The following KCNN3 variants were observed in gnomAD, a reference collection of about 807,000 sequenced individuals.
The protein encoded by KCNN3 is small conductance calcium-activated potassium channel protein 3.
A neutral mutation model predicts 62.9 loss-of-function variants in KCNN3; 16 were observed. The ratio of observed to expected loss-of-function variants is 0.25; its 90% CI spans 0.17 to 0.39. The LOEUF (loss-of-function observed/expected upper bound fraction) is 0.39, where lower values mean the gene tolerates loss of function less well. Among genes scored for constraint, KCNN3 ranks in the 10% least tolerant of loss-of-function variants. The pLI, the probability that KCNN3 is intolerant of heterozygous loss-of-function variation, is 1.00. For synonymous variants in KCNN3, 370 were observed against 389.2 expected, an observed-to-expected ratio of 0.95 and a Z score of 0.58; for missense variants, 599 against 949.4, an observed-to-expected ratio of 0.63 and a Z score of 4.85.
chr1:154,747,851 C>G (rs1700973607), intron 3 of KCNN3, among the ~76,000 whole-genome samples: 1 of 152,180 alleles, frequency 6.6e-6, no homozygotes, highest in African/African-American at 2.4e-5. Context: ...TGCTTATTCT[C>G]TCCTCCAATC....
At chr1:154,856,383 GCAC>G (rs1375359953) in intron 1 of KCNN3, among the ~76,000 whole-genome samples, 2 of 152,150 alleles carry the variant, frequency 1.3e-5, no homozygotes, top group Admixed American at 1.3e-4. Context: ...CTGCCAACAT[GCAC>G]CATCGATGAG....
chr1:154,855,167 G>A (rs760383538), intron 1 of KCNN3, among the ~76,000 whole-genome samples: 12 of 152,058 alleles, frequency 7.9e-5, no homozygotes, highest in East Asian at 3.8e-4. Context: ...GCAGTGAGCC[G>A]AGATCGTGCC....
Position 154,766,527 on chromosome 1 carries a change from G to A in KCNN3, c.1448+5448C>T, listed in dbSNP as rs927538955. Among the ~76,000 whole-genome samples the A allele has an allele frequency of 1.4e-4, 21 of 146,374 alleles. No individual in the cohort carries two copies. The South Asian group carries it at 3.0e-3, about 21-fold the overall frequency. On this transcript the variant is annotated intron_variant, in intron 3 of 7. Transcript: ENST00000271915. ...ATTGGAGGTTATAACTCAAACCAAA[G>A]CAGTCCATGAGGAACCACAGTGCCT... is the stretch of plus-strand genomic sequence containing the variant.
At chr1:154,864,373 C>T (rs570111542) in intron 1 of KCNN3, among the ~76,000 whole-genome samples, 18 of 152,270 alleles carry the variant, frequency 1.2e-4, no homozygotes, top group African/African-American at 4.3e-4. Context: ...ACTTGGCTAG[C>T]CAAGCCTGCA....
chr1:154,858,736 C>CTT (rs66459758), intron 1 of KCNN3, among the ~76,000 whole-genome samples: 9 of 141,828 alleles, frequency 6.3e-5, no homozygotes, highest in Non-Finnish European at 7.7e-5. Context: ...AGTCATGTAA[C>CTT]TTTTTTTTTT....
At position 154,869,955 on chromosome 1, in the gene KCNN3, A is replaced by T; in HGVS notation, c.10T>A (p.Ser4Thr). The change falls in exon 1 of 8, where the codon TCT (serine) becomes ACT (threonine). Residue 4 changes from serine to threonine, a missense_variant. Transcript: ENST00000271915. This position sits in a 1 kb window ranked among gnomAD's most constrained non-coding sequence, Gnocchi z 6.1. ...ACCCCCGAGTCATGGAAGTGCCCAG[A>T]AGTGTCCATCTTGGGGCCTGGCTGT... is the stretch of plus-strand genomic sequence containing the variant. MDT[S>T]GHFHDSGVGD... 1 of 1,610,834 alleles carries T rather than the reference A, an allele frequency of 6.2e-7. No individual in the cohort carries two copies.
At chr1:154,826,067 AC>A (rs372673485) in intron 1 of KCNN3, among the ~76,000 whole-genome samples, 4,585 of 87,716 alleles carry the variant, frequency 0.052, 579 homozygotes, top group African/African-American at 0.2. Flanking sequence ...AAAAACAAAA[AC>A]AAAAACAAAA....
intron 3 of KCNN3, among the ~76,000 whole-genome samples, chr1:154,756,696 C>G (rs1462065843): frequency 6.6e-6 from 1 of 152,176 alleles, no homozygotes; most frequent in Non-Finnish European, 1.5e-5. Context: ...GGATCCCAAT[C>G]CAATGCCATA....
At chr1:154,708,368 G>A (rs895012408) in intron 7 of KCNN3, 96 bp from the exon 8 acceptor site, 1 of 1,242,946 alleles carries the variant, frequency 8.0e-7, no homozygotes, top group Non-Finnish European at 1.2e-6. Flanking sequence ...CAGTATGACA[G>A]GAGCCACTTC....
intron 3 of KCNN3, 27 bp downstream of exon 3, chr1:154,771,948 G>A (rs766295730): frequency 1.9e-6 from 3 of 1,611,900 alleles, no homozygotes; most frequent in South Asian, 2.2e-5. Flanking sequence ...CACAGGCTCT[G>A]TACTCAGAAA....
chr1:154,714,545 TGTGTGTGTGTG>T (rs762575305), intron 6 of KCNN3, among the ~76,000 whole-genome samples: 2,365 of 76,914 alleles, frequency 0.031, 76 homozygotes, highest in African/African-American at 0.048. Flanking sequence ...GTGTGTGGGG[TGTGTGTGTGTG>T]GTGTGTGTGT....
At chr1:154,828,540 C>G (rs934782370) in intron 1 of KCNN3, among the ~76,000 whole-genome samples, 1 of 152,058 alleles carries the variant, frequency 6.6e-6, no homozygotes, top group Admixed American at 6.6e-5. Context: ...GATTTGAAAC[C>G]AAAAGGCCAG....
rs1700002531 is a variant in KCNN3 at position 154,708,191 on chromosome 1, A to G, written c.1981T>C (p.Ser661Pro). ...CTGGCGGTGAGATGCTCCAGCTTCGACTCCAGGCTGCCAATCTGCTTCTCC... is the reference window on the plus strand; with the variant it reads ...CTGGCGGTGAGATGCTCCAGCTTCGGCTCCAGGCTGCCAATCTGCTTCTCC... The part of the protein sequence containing the change: ...DLEKQIGSLE[S>P]KLEHLTASFN... Residue 661 changes from serine (S) to proline (P), a missense_variant, in exon 8 of 8, where the codon TCG becomes CCG. Ser to Pro is a moderately conservative substitution (Grantham distance 74, BLOSUM62 -1). Coordinates refer to ENST00000271915, the MANE Select transcript of KCNN3 (RefSeq NM_002249.6). The G allele has an allele frequency of 1.2e-6, 2 of 1,613,204 alleles. No homozygotes were observed. The highest frequency in any genetic ancestry group is 1.7e-6 in the Non-Finnish European group (2 of 1,179,820).
chr1:154,795,557 A>G (rs949569838), intron 2 of KCNN3, among the ~76,000 whole-genome samples: 1 of 152,220 alleles, frequency 6.6e-6, no homozygotes, highest in East Asian at 1.9e-4. Context: ...TGTATAAGGC[A>G]TGGGGACTCA....
At chr1:154,733,709 C>T (rs747676652) in intron 3 of KCNN3, among the ~76,000 whole-genome samples, 2 of 152,088 alleles carry the variant, frequency 1.3e-5, no homozygotes, top group Non-Finnish European at 2.9e-5. Context: ...ACAGAGGCCT[C>T]CCTTTCTGAG....
At chr1:154,769,310 T>C (rs1648444961) in intron 3 of KCNN3, among the ~76,000 whole-genome samples, 1 of 152,206 alleles carries the variant, frequency 6.6e-6, no homozygotes, top group African/African-American at 2.4e-5. Context: ...CCTCATGTTA[T>C]ACCTAAGTCT....
At chr1:154,708,590 A>G (rs1700011623) in intron 7 of KCNN3, among the ~76,000 whole-genome samples, 1 of 151,832 alleles carries the variant, frequency 6.6e-6, no homozygotes, top group Non-Finnish European at 1.5e-5. Flanking sequence ...TCACAGGGCC[A>G]CAACCTCTCA....
intron 1 of KCNN3, among the ~76,000 whole-genome samples, chr1:154,832,803 G>A (rs746967106): frequency 3.3e-5 from 5 of 152,188 alleles, no homozygotes; most frequent in African/African-American, 4.8e-5. Flanking sequence ...GCCTAGCTGG[G>A]CTTGTCCCAG....
chr1:154,830,993 T>C (rs1651359218), intron 1 of KCNN3, among the ~76,000 whole-genome samples: 1 of 152,254 alleles, frequency 6.6e-6, no homozygotes, highest in Admixed American at 6.5e-5. Context: ...TCATGAATTC[T>C]CTACTGCATG....
Sources: gnomAD v4.1 joint callset for allele counts (sites outside exome capture counted in the v4.1 genomes callset) on GRCh38, gnomAD v4.1.1 for gene constraint, Gnocchi (gnomAD v3.1) non-coding constraint, MANE v1.5 for transcripts, NCBI Gene and HGNC (gene_info 2026-07-23, HGNC 2026-07-21) for gene names.